Variants in TOR4A observed in about 807,000 individuals in gnomAD.
The protein encoded by TOR4A is torsin-4A.
A neutral mutation model predicts 11.5 loss-of-function variants in TOR4A; 12 were observed. The observed-to-expected ratio is 1.04, with a 90% CI of 0.67 to 1.69. The LOEUF (loss-of-function observed/expected upper bound fraction) is 1.69, where lower values mean the gene tolerates loss of function less well. Ranked by LOEUF, TOR4A falls within the 40% of genes most tolerant of loss-of-function variation. The pLI is 0.00. For missense variants in TOR4A, 640 were observed against 643.2 expected, an observed-to-expected ratio of 0.99 and a Z score of 0.05; for synonymous variants, 362 against 307.4, an observed-to-expected ratio of 1.18 and a Z score of -1.86.
Position 137,281,596 on chromosome 9 carries a change from G to A in TOR4A, c.*1635G>A, listed in dbSNP as rs75559663. ...GGATGGCAGCGGCTCCGCGGAGCTC[G>A]AGCTCGGCGCGCAGGTCCTGGGCCC... On this transcript the variant is annotated 3_prime_UTR_variant, in exon 2 of 2. Transcript: ENST00000357503. 2.1e-4 allele frequency: 34 copies of A among 158,298 alleles called. No individual in the cohort carries two copies. Among genetic ancestry groups the A allele is most frequent in the Non-Finnish European group, 4.0e-4 (27 of 68,188 alleles). The allele number at this position is 158,298 out of a possible 1,614,324, so 9.8% of individuals were successfully genotyped here.
Position 137,281,751 on chromosome 9 carries a change from G to T in TOR4A, c.*1790G>T. ...GGGTGGGGGCTACCAGGAAACCTTT[G>T]CCTCCTGGGGCTGTGCAGGACCGGC... On this transcript the variant is annotated 3_prime_UTR_variant, in exon 2 of 2. Transcript: ENST00000357503. 1 of 161,608 alleles carries T rather than the reference G, an allele frequency of 6.2e-6. No individual in the cohort carries two copies. 10.0% of individuals were successfully genotyped at this position (161,608 alleles called of 1,614,324 possible). A position where few individuals can be genotyped will look rare whatever the true frequency, so the allele number is the denominator to read the frequency against.
Position 137,280,027 on chromosome 9 carries a change from G to T in TOR4A, c.*66G>T. On this transcript the variant is annotated 3_prime_UTR_variant, in exon 2 of 2. Coordinates refer to ENST00000357503, the MANE Select transcript of TOR4A (RefSeq NM_017723.3). ...AGGAGGGCGACCAGGGACCTTGTGG[G>T]CTGGTGCAGGCCCCTGAGGTTTCTA... 1 of 1,470,792 alleles carries T rather than the reference G, an allele frequency of 6.8e-7. No individual in the cohort carries two copies. Among genetic ancestry groups the T allele is most frequent in the Non-Finnish European group, 9.2e-7 (1 of 1,092,202 alleles). 91.1% of individuals were successfully genotyped at this position (1,470,792 alleles called of 1,614,324 possible).
chr9:137,279,015 A>G lies in TOR4A; in HGVS notation c.326A>G (p.Tyr109Cys), dbSNP rs1199266858. The stretch of plus-strand genomic sequence containing the variant: ...CTTTACCCGGAGACCTCGCGCAAGT[A>G]TCGGCCGCGCGTGGAGCACAGGAGC... Reference protein sequence around the residue: ...LVLYPETSRKYRPRVEHRSRA... With the variant: ...LVLYPETSRKCRPRVEHRSRA... The change falls in exon 2 of 2, where the codon TAT (tyrosine) becomes TGT (cysteine). Residue 109 changes from tyrosine (Y) to cysteine (C), a missense_variant. Transcript: ENST00000357503. 1 of 1,605,628 alleles carries G rather than the reference A, an allele frequency of 6.2e-7. No individual in the cohort carries two copies. Among genetic ancestry groups the G allele is most frequent in the East Asian group, 2.3e-5 (1 of 44,400 alleles).
rs750895437 is a variant in TOR4A, at chr9:137,279,943, C to T, written c.1254C>T (p.Ala418=). 2.2e-5 allele frequency: 35 copies of T among 1,578,886 alleles called. 1 individual carries two copies. In the Middle Eastern group the frequency reaches 5.0e-4, roughly 22 times the overall value. ...TCACCGGCTGCAAGCAGGTGGTGGC[C>T]ACGGTGAACCTCCTGTAGTGGAGGC... ...FAVTGCKQVV[A]TVNLL Residue 418 remains alanine, a synonymous_variant, in exon 2 of 2, where the codon GCC becomes GCT. Coordinates refer to ENST00000357503, the MANE Select transcript of TOR4A (RefSeq NM_017723.3).
rs946904197 is a variant in TOR4A at position 137,282,134 on chromosome 9, C to T, written c.*2173C>T. The T allele has an allele frequency of 6.0e-6, 1 of 167,154 alleles. No homozygotes were observed. Among genetic ancestry groups the T allele is most frequent in the Non-Finnish European group, 1.5e-5 (1 of 68,158 alleles). The allele number at this position is 167,154 out of a possible 1,614,324, so 10.4% of individuals were successfully genotyped here. A position where few individuals can be genotyped will look rare whatever the true frequency, so the allele number is the denominator to read the frequency against. On this transcript the variant is annotated 3_prime_UTR_variant, in exon 2 of 2. Transcript: ENST00000357503. ...CATTCATCCACCTGTCAGTCAACAA[C>T]ACCCGCTGAGCATCGGCTTGTATCA...
Position 137,279,713 on chromosome 9 carries a change from G to C in TOR4A, c.1024G>C (p.Ala342Pro). 1 of 1,573,836 alleles carries C rather than the reference G, an allele frequency of 6.4e-7. No homozygotes were observed. Among genetic ancestry groups the C allele is most frequent in the Non-Finnish European group, 8.6e-7 (1 of 1,166,398 alleles). ...AAAQAEEDLR[A>P]SLLAVLSREH... is the part of the protein sequence containing the mutation. ...GGCGCAGGCGGAAGAAGACCTGCGCGCCAGCCTGCTGGCTGTGCTGTCCCG... is the reference window on the plus strand; with the variant it reads ...GGCGCAGGCGGAAGAAGACCTGCGCCCCAGCCTGCTGGCTGTGCTGTCCCG... Residue 342 changes from alanine (A) to proline (P), a missense_variant, in exon 2 of 2, where the codon GCC becomes CCC. Transcript: ENST00000357503.
Position 137,279,645 on chromosome 9 carries a change from T to C in TOR4A, c.956T>C (p.Leu319Pro). 2.6e-6 allele frequency: 4 copies of C among 1,562,186 alleles called. No individual in the cohort carries two copies. The highest frequency in any genetic ancestry group is 3.5e-6 in the Non-Finnish European group (4 of 1,159,268). Residue 319 changes from leucine to proline, a missense_variant, in exon 2 of 2, where the codon CTG becomes CCG. Leu to Pro is a moderately conservative substitution (Grantham distance 98). Coordinates refer to ENST00000357503, the MANE Select transcript of TOR4A (RefSeq NM_017723.3). ...GTGCTGCAGAACGCGTCCCGCGCGC[T>C]GCCCCTGCGCCCCGACGGCTTCCGC... ...RFVLQNASRA[L>P]PLRPDGFRSA... is the part of the protein sequence containing the mutation.
chr9:137,280,190 G>A lies in TOR4A; in HGVS notation c.*229G>A. On this transcript the variant is annotated 3_prime_UTR_variant, in exon 2 of 2. Coordinates refer to ENST00000357503, the MANE Select transcript of TOR4A (RefSeq NM_017723.3). ...CACCTCCCTCCCAAACTTGCCCATT[G>A]CCCTGCTGGGCGTCCCAGGCATGGT... is the stretch of plus-strand genomic sequence containing the variant. 1 of 601,948 alleles carries A rather than the reference G, an allele frequency of 1.7e-6. No homozygotes were observed. Among genetic ancestry groups the A allele is most frequent in the Non-Finnish European group, 3.0e-6 (1 of 333,592 alleles). 37.3% of individuals were successfully genotyped at this position (601,948 alleles called of 1,614,324 possible). A position where few individuals can be genotyped will look rare whatever the true frequency, so the allele number is the denominator to read the frequency against.
At position 137,278,749 on chromosome 9, in the gene TOR4A, G is replaced by A. The variant is rs534148879; in HGVS notation, c.60G>A (p.Arg20=). The stretch of plus-strand genomic sequence containing the variant: ...CCGCGGCCCCCCGAGCCTCGGGCCG[G>A]TGCGTGATCGCGCCCGTGCGCGCTG... ...PAAAAPRASG[R]CVIAPVRAVL... The change falls in exon 2 of 2, where the codon CGG becomes CGA. Residue 20 remains arginine, a synonymous_variant. Transcript: ENST00000357503. The A allele has an allele frequency of 3.6e-6, 5 of 1,404,012 alleles. No individual in the cohort carries two copies. The South Asian group carries it at 4.6e-5, about 13-fold the overall frequency. The allele number at this position is 1,404,012 out of a possible 1,614,324, so 87.0% of individuals were successfully genotyped here. A position where few individuals can be genotyped will look rare whatever the true frequency, so the allele number is the denominator to read the frequency against.
rs374236408 is a variant in TOR4A at position 137,278,941 on chromosome 9, G to A, written c.252G>A (p.Glu84=). The A allele has an allele frequency of 1.6e-5, 25 of 1,600,144 alleles. No individual in the cohort carries two copies. The highest frequency in any genetic ancestry group is 2.7e-5 in the African/African-American group (2 of 74,706). The change falls in exon 2 of 2, where the codon GAG becomes GAA. Residue 84 remains glutamate (E), a synonymous_variant. Coordinates refer to ENST00000357503, the MANE Select transcript of TOR4A (RefSeq NM_017723.3). ...PKFFTFDSPA[E]LPSRTPRKKR... is the part of the protein sequence containing the mutation. ...TCTTCACCTTCGACAGCCCCGCGGA[G>A]CTACCCTCCAGGACGCCACGCAAGA...
At position 137,279,592 on chromosome 9, in the gene TOR4A, C is replaced by G; in HGVS notation, c.903C>G (p.Gly301=). ...FHNAIYVLLS[G]AGGAEVTRFV... ...ACGCCATCTACGTGCTCCTCAGTGGCGCGGGTGGCGCCGAGGTCACGCGCT... is the reference window on the plus strand; with the variant it reads ...ACGCCATCTACGTGCTCCTCAGTGGGGCGGGTGGCGCCGAGGTCACGCGCT... Residue 301 remains glycine, a synonymous_variant, in exon 2 of 2, where the codon GGC becomes GGG. Coordinates refer to ENST00000357503, the MANE Select transcript of TOR4A (RefSeq NM_017723.3). The G allele has an allele frequency of 6.4e-7, 1 of 1,568,734 alleles. No individual in the cohort carries two copies. The highest frequency in any genetic ancestry group is 1.1e-5 in the South Asian group (1 of 88,450).
rs1830692201 is a variant in TOR4A, at chr9:137,279,681, C to A, written c.992C>A (p.Ala331Asp). The A allele has an allele frequency of 1.9e-6, 3 of 1,567,184 alleles. No individual in the cohort carries two copies. The highest frequency in any genetic ancestry group is 2.3e-5 in the East Asian group (1 of 43,252). ...LRPDGFRSAE[A>D]AAAQAEEDLR... ...CCCGACGGCTTCCGCAGTGCCGAGG[C>A]CGCAGCGGCGCAGGCGGAAGAAGAC... Residue 331 changes from alanine (A) to aspartate (D), a missense_variant, in exon 2 of 2, where the codon GCC becomes GAC. Transcript: ENST00000357503.
chr9:137,279,825 T>C lies in TOR4A; in HGVS notation c.1136T>C (p.Met379Thr), dbSNP rs1417217942. ...GTGGTCAGCTGCTTCCGGGACGAGA[T>C]GGCGGGTGAGGGCTTCTTTCCTGAC... ...RDVVSCFRDE[M>T]AGEGFFPDQA... Residue 379 changes from methionine to threonine, a missense_variant, in exon 2 of 2, where the codon ATG (methionine) becomes ACG (threonine). By Grantham distance (81) the Met-to-Thr change is moderately conservative. Coordinates refer to ENST00000357503, the MANE Select transcript of TOR4A (RefSeq NM_017723.3). 6.3e-7 allele frequency: 1 copy of C among 1,598,630 alleles called. No individual in the cohort carries two copies. The highest frequency in any genetic ancestry group is 2.2e-5 in the East Asian group (1 of 44,510).
rs1372353715 is a variant in TOR4A at position 137,279,022 on chromosome 9, G to A, written c.333G>A (p.Pro111=). ...LYPETSRKYR[P]RVEHRSRAQR... ...CGGAGACCTCGCGCAAGTATCGGCC[G>A]CGCGTGGAGCACAGGAGCCGCGCGC... The change falls in exon 2 of 2, where the codon CCG becomes CCA. Residue 111 remains proline (P), a synonymous_variant. Coordinates refer to ENST00000357503, the MANE Select transcript of TOR4A (RefSeq NM_017723.3). The A allele has an allele frequency of 1.6e-5, 25 of 1,604,486 alleles. No individual in the cohort carries two copies. Among genetic ancestry groups the A allele is most frequent in the Non-Finnish European group, 2.1e-5 (25 of 1,176,416 alleles).
Position 137,279,829 on chromosome 9 carries a change from G to A in TOR4A, c.1140G>A (p.Ala380=). The change falls in exon 2 of 2, where the codon GCG becomes GCA. Residue 380 remains alanine, a synonymous_variant. Transcript: ENST00000357503. ...DVVSCFRDEM[A]GEGFFPDQAR... The stretch of plus-strand genomic sequence containing the variant: ...TCAGCTGCTTCCGGGACGAGATGGC[G>A]GGTGAGGGCTTCTTTCCTGACCAGG... 6.3e-7 allele frequency: 1 copy of A among 1,598,052 alleles called. No homozygotes were observed. Among genetic ancestry groups the A allele is most frequent in the South Asian group, 1.1e-5 (1 of 89,354 alleles).
chr9:137,280,145 G>A lies in TOR4A; in HGVS notation c.*184G>A. ...GCCTCAGAGTCCGGAGTCTGTCCCT[G>A]GGGGCGGCAGGACAGCAGCCACCTC... is the stretch of plus-strand genomic sequence containing the variant. On this transcript the variant is annotated 3_prime_UTR_variant, in exon 2 of 2. Transcript: ENST00000357503. The A allele has an allele frequency of 1.4e-6, 1 of 703,760 alleles. No individual in the cohort carries two copies. Among genetic ancestry groups the A allele is most frequent in the Non-Finnish European group, 2.4e-6 (1 of 422,772 alleles). 43.6% of individuals were successfully genotyped at this position (703,760 alleles called of 1,614,324 possible).
chr9:137,279,186 C>T lies in TOR4A; in HGVS notation c.497C>T (p.Ala166Val), dbSNP rs749417257. 26 of 1,557,246 alleles carry T rather than the reference C, an allele frequency of 1.7e-5. No individual in the cohort carries two copies. The East Asian group carries it at 5.8e-4, about 35-fold the overall frequency. ...ALQRAVFGQP[A>V]AVSRIVALMR... Reference sequence around the variant, plus strand: ...CAGCGCGCGGTGTTCGGCCAGCCCGCTGCCGTATCGCGCATCGTGGCGCTG... The same window carrying T: ...CAGCGCGCGGTGTTCGGCCAGCCCGTTGCCGTATCGCGCATCGTGGCGCTG... The change falls in exon 2 of 2, where the codon GCT (alanine) becomes GTT (valine). Residue 166 changes from alanine (A) to valine (V), a missense_variant. Transcript: ENST00000357503.
Position 137,278,668 on chromosome 9 carries a change from T to G in TOR4A, c.-22T>G. The stretch of plus-strand genomic sequence containing the variant: ...CCCGTTGCAGGGAGGGCGACCTGTA[T>G]GCGGAGCGCCGTTCCTGCGACATGG... On this transcript the variant is annotated 5_prime_UTR_variant, in exon 2 of 2. The change abolishes an upstream ATG in the 5' untranslated region. Transcript: ENST00000357503. 1 of 1,322,958 alleles carries G rather than the reference T, an allele frequency of 7.6e-7. No individual in the cohort carries two copies. Among genetic ancestry groups the G allele is most frequent in the Non-Finnish European group, 9.6e-7 (1 of 1,037,706 alleles). The allele number at this position is 1,322,958 out of a possible 1,614,324, so 82.0% of individuals were successfully genotyped here. A position where few individuals can be genotyped will look rare whatever the true frequency, so the allele number is the denominator to read the frequency against.
rs1232618739 is a variant in TOR4A, at chr9:137,281,621, C to G, written c.*1660C>G. The G allele has an allele frequency of 3.8e-5, 6 of 157,784 alleles. No homozygotes were observed. Among genetic ancestry groups the G allele is most frequent in the Non-Finnish European group, 5.9e-5 (4 of 68,116 alleles). The allele number at this position is 157,784 out of a possible 1,614,324, so 9.8% of individuals were successfully genotyped here. The stretch of plus-strand genomic sequence containing the variant: ...GAGCTCGGCGCGCAGGTCCTGGGCC[C>G]AGGGCGGGAGCGCTAGCGAGAGGGC... On this transcript the variant is annotated 3_prime_UTR_variant, in exon 2 of 2. Transcript: ENST00000357503.
Sources: allele counts gnomAD v4.1 joint callset, GRCh38; gene constraint gnomAD v4.1.1; transcripts MANE v1.5; gene names NCBI Gene and HGNC (gene_info 2026-07-23, HGNC 2026-07-21).